POU6F2: variants seen among roughly 807,000 people sequenced by gnomAD.
POU6F2 encodes POU domain, class 6, transcription factor 2.
POU6F2 carries 31 observed loss-of-function variants against 71.3 expected under a neutral mutation model. The ratio of observed to expected loss-of-function variants is 0.43; its 90% CI spans 0.33 to 0.59. The LOEUF is 0.59. POU6F2 is among the 20% of genes least tolerant of loss of function. The pLI, the probability that POU6F2 is intolerant of heterozygous loss-of-function variation, is 0.04. For missense variants in POU6F2, 783 were observed against 856.8 expected, an observed-to-expected ratio of 0.91 and a Z score of 1.07; for synonymous variants, 347 against 355.7, an observed-to-expected ratio of 0.98 and a Z score of 0.27.
At chr7:39,301,405 GTTGTTGAATCCA>G (rs1407004472) in intron 4 of POU6F2, among the ~76,000 whole-genome samples, 2 of 152,192 alleles carry the variant, frequency 1.3e-5, no homozygotes, top group African/African-American at 4.8e-5. Context: ...GCATCATTCT[GTTGTTGAATCCA>G]TTGTAGCTCG....
At chr7:39,280,453 A>G (rs1784541986) in intron 4 of POU6F2, among the ~76,000 whole-genome samples, 1 of 152,212 alleles carries the variant, frequency 6.6e-6, no homozygotes, top group Admixed American at 6.5e-5. Context: ...CACTACATAT[A>G]ATACAAGTTC....
chr7:39,023,225 T>C (rs1249551847), intron 1 of POU6F2, among the ~76,000 whole-genome samples: 4 of 152,250 alleles, frequency 2.6e-5, no homozygotes, highest in Non-Finnish European at 1.5e-5. Context: ...TTTAAAAATA[T>C]GTATACTAGC....
At chr7:39,314,351 G>C (rs971082400) in intron 4 of POU6F2, among the ~76,000 whole-genome samples, 2 of 152,262 alleles carry the variant, frequency 1.3e-5, no homozygotes, top group Non-Finnish European at 1.5e-5. Context: ...ATGATCTTCA[G>C]GCAACTCCTC....
chr7:39,466,738 C>G lies in POU6F2; in HGVS notation c.*2052C>G, dbSNP rs1367295048. The G allele has an allele frequency of 2.0e-5, 3 of 152,198 alleles. No homozygotes were observed. Among genetic ancestry groups the G allele is most frequent in the Non-Finnish European group, 4.4e-5 (3 of 68,038 alleles). 9.4% of individuals were successfully genotyped at this position (152,198 alleles called of 1,614,324 possible). A position where few individuals can be genotyped will look rare whatever the true frequency, so the allele number is the denominator to read the frequency against. On this transcript the variant is annotated 3_prime_UTR_variant, in exon 10 of 10. Coordinates refer to ENST00000518318, the MANE Select transcript of POU6F2 (RefSeq NM_001370959.1). Reference sequence around the variant, plus strand: ...CCAGCAAGGAAACTCTAAAAGGAATCCTGGAAGTGGAACAAGTCACTCGTA... The same window carrying G: ...CCAGCAAGGAAACTCTAAAAGGAATGCTGGAAGTGGAACAAGTCACTCGTA...
chr7:39,058,572 T>C (rs115399058), intron 1 of POU6F2, among the ~76,000 whole-genome samples: 1 of 152,234 alleles, frequency 6.6e-6, no homozygotes, highest in African/African-American at 2.4e-5. Context: ...TTCCAGTGTC[T>C]AGTCATTTTC....
At chr7:39,248,157 T>C (rs756023485) in intron 4 of POU6F2, among the ~76,000 whole-genome samples, 41 of 152,176 alleles carry the variant, frequency 2.7e-4, no homozygotes, top group Admixed American at 9.8e-4. Context: ...AGTGGACATA[T>C]TGACTTGTTA....
chr7:39,092,744 G>A (rs1489062627), intron 2 of POU6F2, among the ~76,000 whole-genome samples: 1 of 152,124 alleles, frequency 6.6e-6, no homozygotes, highest in Non-Finnish European at 1.5e-5. Flanking sequence ...AACAAGGGTG[G>A]ACTTGTTTGG....
chr7:39,207,249 CA>C, intron 3 of POU6F2, 142 bp from the exon 4 acceptor site: 1 of 678,780 alleles, frequency 1.5e-6, no homozygotes, highest in Non-Finnish European at 2.3e-6. Context: ...TTCTACCAAT[CA>C]TTTTTTTTTA....
intron 4 of POU6F2, among the ~76,000 whole-genome samples, chr7:39,296,848 C>G (rs903856550): frequency 6.6e-6 from 1 of 152,340 alleles, no homozygotes; most frequent in Middle Eastern, 3.4e-3. Flanking sequence ...TGGCCCATGT[C>G]TCTCATTGAA....
chr7:39,340,174 C>T (rs1486247011), intron 5 of POU6F2, among the ~76,000 whole-genome samples, 159 bp downstream of exon 5: 1 of 152,216 alleles, frequency 6.6e-6, no homozygotes, highest in African/African-American at 2.4e-5. Flanking sequence ...GAAGAAGCAA[C>T]TAGAAGGCAA....
rs377297779 is a variant in POU6F2, at chr7:39,207,654, C to T, written c.598+34C>T. 122 of 1,580,972 alleles carry T rather than the reference C, an allele frequency of 7.7e-5. 1 individual carries two copies. The highest frequency in any genetic ancestry group is 5.1e-4 in the Middle Eastern group (3 of 5,936). On this transcript the variant is annotated intron_variant, in intron 4 of 9. Coordinates refer to ENST00000518318, the MANE Select transcript of POU6F2 (RefSeq NM_001370959.1). ...TAATGTCCATGCGCCACGTAAGGCT[C>T]TACCCGTTGGCCAGTATTCTCTGAA...
intron 5 of POU6F2, among the ~76,000 whole-genome samples, chr7:39,399,910 G>A (rs1189110714): frequency 6.6e-6 from 1 of 151,900 alleles, no homozygotes; most frequent in Admixed American, 6.6e-5. Context: ...GTCTCAAGGG[G>A]TCCAGAGTGC....
At chr7:39,080,302 G>A (rs1347713614) in intron 1 of POU6F2, among the ~76,000 whole-genome samples, 1 of 152,062 alleles carries the variant, frequency 6.6e-6, no homozygotes, top group Non-Finnish European at 1.5e-5. Flanking sequence ...CATGACTAAG[G>A]TAATGATATT....
Position 39,396,470 on chromosome 7 carries a change from T to C in POU6F2, c.973-10130T>C, listed in dbSNP as rs149331987. On this transcript the variant is annotated intron_variant, in intron 5 of 9. Transcript: ENST00000518318. Reference sequence around the variant, plus strand: ...CTGCACAACTTGGACCTGGGCCCCATGTAGGATATAGCTCTCTCTCCAGCA... The same window carrying C: ...CTGCACAACTTGGACCTGGGCCCCACGTAGGATATAGCTCTCTCTCCAGCA... 1.3e-3 allele frequency among the ~76,000 whole-genome samples: 191 copies of C among 152,230 alleles called. 3 individuals carry two copies. Among genetic ancestry groups the C allele is most frequent in the Admixed American group, 9.7e-3 (148 of 15,290 alleles).
At chr7:39,336,561 C>T (rs1465364969) in intron 4 of POU6F2, among the ~76,000 whole-genome samples, 2 of 152,208 alleles carry the variant, frequency 1.3e-5, no homozygotes, top group Non-Finnish European at 2.9e-5. Flanking sequence ...TTCCAGGATT[C>T]CTGGTCACTT....
chr7:39,006,845 G>A (rs1177293200), intron 1 of POU6F2: 5 of 1,613,642 alleles, frequency 3.1e-6, no homozygotes, highest in African/African-American at 1.3e-5. Context: ...AAGAGGAAGT[G>A]GCAAATGAGT....
intron 6 of POU6F2, among the ~76,000 whole-genome samples, chr7:39,425,196 T>C (rs540575482): frequency 6.6e-6 from 1 of 152,024 alleles, no homozygotes; most frequent in Non-Finnish European, 1.5e-5. Flanking sequence ...TTCTCCCTGC[T>C]TCATCATTTG....
intron 1 of POU6F2, among the ~76,000 whole-genome samples, chr7:39,052,901 ACTT>A (rs891820786): frequency 2.6e-5 from 4 of 152,136 alleles, no homozygotes; most frequent in African/African-American, 9.6e-5. Context: ...TCATGATTCT[ACTT>A]CTAAGGTTTT....
chr7:38,998,514 G>A (rs1312691336), intron 1 of POU6F2, among the ~76,000 whole-genome samples: 2 of 152,128 alleles, frequency 1.3e-5, no homozygotes, highest in Non-Finnish European at 2.9e-5. Context: ...GATATTTATT[G>A]AGATGTCATG....
Sources: allele counts gnomAD v4.1 joint callset (sites outside exome capture counted in the v4.1 genomes callset), GRCh38; gene constraint gnomAD v4.1.1; transcripts MANE v1.5; gene names NCBI Gene and HGNC (gene_info 2026-07-23, HGNC 2026-07-21).